ELOVL5: variants seen among roughly 807,000 people sequenced by gnomAD.
The protein encoded by ELOVL5 is ELOVL fatty acid elongase 5.
In ELOVL5, 8 loss-of-function variants were observed where a neutral mutation model predicts 38.6. That is an observed-to-expected ratio of 0.21 (90% confidence interval 0.12 to 0.37). The LOEUF (loss-of-function observed/expected upper bound fraction) is 0.37. Among genes scored for constraint, ELOVL5 ranks in the 10% least tolerant of loss-of-function variants. The pLI is 1.00. For missense variants in ELOVL5, 280 were observed against 367.8 expected, an observed-to-expected ratio of 0.76 and a Z score of 1.95; for synonymous variants, 127 against 133.7, an observed-to-expected ratio of 0.95 and a Z score of 0.34.
intron 1 of ELOVL5, among the ~76,000 whole-genome samples, chr6:53,321,306 G>T (rs886230826): frequency 2.0e-5 from 3 of 152,174 alleles, no homozygotes; most frequent in East Asian, 1.9e-4. Flanking sequence ...CACCATCCAC[G>T]GTTCTGCATT....
intron 1 of ELOVL5, among the ~76,000 whole-genome samples, chr6:53,301,840 T>C (rs1767266000): frequency 6.6e-6 from 1 of 152,170 alleles, no homozygotes; most frequent in Admixed American, 6.5e-5. Flanking sequence ...ACCATGCAAC[T>C]ATATTATAAT....
chr6:53,306,644 C>T (rs1478289613), intron 1 of ELOVL5, among the ~76,000 whole-genome samples: 3 of 152,156 alleles, frequency 2.0e-5, no homozygotes, highest in Non-Finnish European at 4.4e-5. Flanking sequence ...CCCCAGTTCT[C>T]AGCAGAGTCA....
chr6:53,269,081 G>T lies in ELOVL5; in HGVS notation c.*46C>A, dbSNP rs754423501. On this transcript the variant is annotated 3_prime_UTR_variant, in exon 8 of 8. Transcript: ENST00000304434. ...AGCATTGGGGCACAACTCATATTGT[G>T]CTTACAATCAGATGACGTGGTTTGG... The T allele has an allele frequency of 1.2e-6, 2 of 1,603,438 alleles. No homozygotes were observed. The highest frequency in any genetic ancestry group is 2.2e-5 in the South Asian group (2 of 89,676).
At chr6:53,277,420 T>C (rs769431809) in intron 3 of ELOVL5, among the ~76,000 whole-genome samples, 2 of 152,158 alleles carry the variant, frequency 1.3e-5, no homozygotes, top group African/African-American at 2.4e-5. Context: ...CAGTTCATGA[T>C]GAAGAGCCAT....
intron 3 of ELOVL5, among the ~76,000 whole-genome samples, chr6:53,288,876 G>C (rs1766669422): frequency 6.6e-6 from 1 of 152,136 alleles, no homozygotes; most frequent in African/African-American, 2.4e-5. Context: ...GACTAGCCTG[G>C]ACAACATGAT....
chr6:53,332,113 C>A (rs566972570), intron 1 of ELOVL5, among the ~76,000 whole-genome samples: 12 of 152,298 alleles, frequency 7.9e-5, no homozygotes, highest in African/African-American at 2.9e-4. Flanking sequence ...CCAAACACCT[C>A]CGAGTAGGCC....
At chr6:53,342,586 G>A (rs913887742) in intron 1 of ELOVL5, among the ~76,000 whole-genome samples, 6 of 152,180 alleles carry the variant, frequency 3.9e-5, no homozygotes, top group African/African-American at 7.2e-5. Flanking sequence ...ACCTGTGCTC[G>A]CAAGAGGGTG....
chr6:53,335,894 C>A (rs758226946), intron 1 of ELOVL5, among the ~76,000 whole-genome samples: 5 of 152,180 alleles, frequency 3.3e-5, no homozygotes, highest in Non-Finnish European at 5.9e-5. Context: ...TTACATCCTG[C>A]TGCTCGGAAG....
intron 3 of ELOVL5, among the ~76,000 whole-genome samples, chr6:53,285,183 G>A (rs1026345015): frequency 6.6e-6 from 1 of 152,170 alleles, no homozygotes; most frequent in African/African-American, 2.4e-5. Flanking sequence ...TAGCCACGTT[G>A]TGAATGCAAA....
At chr6:53,296,120 G>T (rs1335462896) in intron 1 of ELOVL5, among the ~76,000 whole-genome samples, 1 of 151,964 alleles carries the variant, frequency 6.6e-6, no homozygotes, top group African/African-American at 2.4e-5. Flanking sequence ...GAATGCCACA[G>T]TGACAAGACA....
At chr6:53,348,379 GCTCC>G (rs2127597533) in intron 1 of ELOVL5, among the ~76,000 whole-genome samples, 1 of 150,662 alleles carries the variant, frequency 6.6e-6, no homozygotes, top group African/African-American at 2.4e-5. Flanking sequence ...AAGAAAGCGC[GCTCC>G]CTCCGAGAGC....
chr6:53,314,708 G>GA (rs1767963845), intron 1 of ELOVL5, among the ~76,000 whole-genome samples: 2 of 151,328 alleles, frequency 1.3e-5, no homozygotes, highest in African/African-American at 4.9e-5. Flanking sequence ...TAATTTGAGT[G>GA]AAAAAAATAA....
In ELOVL5 at chr6:53,314,563, G is replaced by C. The variant is rs6932210; in HGVS notation, c.-8-18856C>G. Among the ~76,000 whole-genome samples the C allele has an allele frequency of 3.1e-3, 476 of 152,282 alleles. 2 individuals carry two copies. The highest frequency in any genetic ancestry group is 0.011 in the African/African-American group (451 of 41,556). On this transcript the variant is annotated intron_variant, in intron 1 of 7. Coordinates refer to ENST00000304434, the MANE Select transcript of ELOVL5 (RefSeq NM_021814.5). ...AATATGCCTTTACTGAGCACCAAAT[G>C]TGTAAGGCACTATGGCAAGTGGTAG...
intron 1 of ELOVL5, among the ~76,000 whole-genome samples, chr6:53,310,941 T>G (rs1476274191): frequency 6.6e-6 from 1 of 152,206 alleles, no homozygotes; most frequent in Non-Finnish European, 1.5e-5. Context: ...CATACTAGCA[T>G]GGAAATTTTT....
intron 1 of ELOVL5, among the ~76,000 whole-genome samples, chr6:53,301,097 G>A (rs1043782900): frequency 1.3e-5 from 2 of 152,194 alleles, no homozygotes; most frequent in Non-Finnish European, 2.9e-5. Context: ...AGGAATGGGA[G>A]GCACAGGGCT....
At chr6:53,291,621 C>T (rs943139575) in intron 3 of ELOVL5, among the ~76,000 whole-genome samples, 155 bp downstream of exon 3, 2 of 152,120 alleles carry the variant, frequency 1.3e-5, no homozygotes, top group Non-Finnish European at 2.9e-5. Flanking sequence ...TTTGAAAAAT[C>T]GATTTTAAAA....
In ELOVL5 at chr6:53,310,723, G is replaced by A. The variant is rs116045588; in HGVS notation, c.-8-15016C>T. ...CCCAAAGTGCTAGGATTACGGGAGTGAGCCACTGCACCCAGCCAATCACAC... is the reference window on the plus strand; with the variant it reads ...CCCAAAGTGCTAGGATTACGGGAGTAAGCCACTGCACCCAGCCAATCACAC... On this transcript the variant is annotated intron_variant, in intron 1 of 7. Transcript: ENST00000304434. Among the ~76,000 whole-genome samples the A allele has an allele frequency of 4.9e-4, 75 of 152,244 alleles. 1 individual carries two copies. Among genetic ancestry groups the A allele is most frequent in the African/African-American group, 1.7e-3 (69 of 41,532 alleles).
intron 3 of ELOVL5, chr6:53,277,539 A>T (rs2127568628): frequency 6.6e-6 from 1 of 152,336 alleles, no homozygotes; most frequent in Admixed American, 6.5e-5. Flanking sequence ...GGACTAAATT[A>T]TCTCTAAAGG....
chr6:53,289,861 G>C (rs1482166462), intron 3 of ELOVL5, among the ~76,000 whole-genome samples: 3 of 152,212 alleles, frequency 2.0e-5, no homozygotes, highest in African/African-American at 7.2e-5. Context: ...CCATCAACTT[G>C]GAGCACTAGG....
Sources: gnomAD v4.1 joint callset for allele counts (sites outside exome capture counted in the v4.1 genomes callset) on GRCh38, gnomAD v4.1.1 for gene constraint, MANE v1.5 for transcripts, NCBI Gene and HGNC (gene_info 2026-07-23, HGNC 2026-07-21) for gene names.